The following KIN variants were observed in gnomAD, a reference collection of about 807,000 sequenced individuals.
KIN encodes DNA/RNA-binding protein KIN17.
In KIN, 47 loss-of-function variants were observed where a neutral mutation model predicts 63.0. The observed-to-expected ratio is 0.75, with a 90% CI of 0.59 to 0.95. KIN has a LOEUF of 0.95. Ranked by LOEUF, KIN falls within the 40% of genes least tolerant of loss-of-function variation. The probability of loss-of-function intolerance (pLI) is 0.00; values close to 1 mark genes in which losing one functional copy is unlikely to be tolerated. For missense variants in KIN, 408 were observed against 460.9 expected (o/e 0.89, Z 1.05); for synonymous variants, 160 against 157.7 (o/e 1.01, Z -0.11).
intron 7 of KIN, among the ~76,000 whole-genome samples, chr10:7,774,248 T>G (rs1473502245): frequency 6.6e-6 from 1 of 152,220 alleles, no homozygotes; most frequent in Non-Finnish European, 1.5e-5. Context: ...TGTTTCCTGG[T>G]GTATTTACAC....
intron 7 of KIN, 100 bp from the exon 8 acceptor site, chr10:7,769,445 TA>T: frequency 8.6e-7 from 1 of 1,167,458 alleles, no homozygotes; most frequent in Non-Finnish European, 1.2e-6. Flanking sequence ...TGTGACATAG[TA>T]ATTTACAGGA....
Position 7,755,972 on chromosome 10 carries a change from T to G in KIN, c.*108A>C. On this transcript the variant is annotated 3_prime_UTR_variant, in exon 13 of 13. Transcript: ENST00000379562. The stretch of plus-strand genomic sequence containing the variant: ...ACAGTAATATTTTCAAAAACCTGTT[T>G]GTTTTATACAAAAGAATATACCCTA... 1 of 590,382 alleles carries G rather than the reference T, an allele frequency of 1.7e-6. No individual in the cohort carries two copies. Among genetic ancestry groups the G allele is most frequent in the South Asian group, 3.3e-5 (1 of 30,572 alleles). 36.6% of individuals were successfully genotyped at this position (590,382 alleles called of 1,614,324 possible). A position where few individuals can be genotyped will look rare whatever the true frequency, so the allele number is the denominator to read the frequency against.
Position 7,753,619 on chromosome 10 carries a change from C to T in KIN, c.*2461G>A, listed in dbSNP as rs954886514. ...TCAACCCTGCTGAAAAACATTTTGA[C>T]AATTTATACATTAAAAACATTGCAA... On this transcript the variant is annotated 3_prime_UTR_variant, in exon 13 of 13. Coordinates refer to ENST00000379562, the MANE Select transcript of KIN (RefSeq NM_012311.4). 6.5e-6 allele frequency: 1 copy of T among 154,224 alleles called. No individual in the cohort carries two copies. The highest frequency in any genetic ancestry group is 2.4e-5 in the African/African-American group (1 of 41,462). 9.6% of individuals were successfully genotyped at this position (154,224 alleles called of 1,614,324 possible).
At chr10:7,777,934 A>G (rs181330634) in intron 5 of KIN, among the ~76,000 whole-genome samples, 2 of 151,668 alleles carry the variant, frequency 1.3e-5, no homozygotes, top group East Asian at 3.9e-4. Flanking sequence ...GCCACAGGAG[A>G]CAGTTTTCTG....
chr10:7,756,637 C>T (rs151195014), intron 12 of KIN, among the ~76,000 whole-genome samples: 1 of 152,322 alleles, frequency 6.6e-6, no homozygotes, highest in East Asian at 1.9e-4. Context: ...CACAAATCGC[C>T]ACTTAGAAAG....
chr10:7,783,040 G>T, intron 2 of KIN, 41 bp downstream of exon 2: 2 of 1,051,992 alleles, frequency 1.9e-6, no homozygotes, highest in South Asian at 1.5e-5. Context: ...ATGTTCAACT[G>T]AATAAAGCCT....
intron 1 of KIN, among the ~76,000 whole-genome samples, chr10:7,784,772 A>C (rs567096110): frequency 1.3e-5 from 2 of 152,332 alleles, no homozygotes; most frequent in East Asian, 3.9e-4. Context: ...TAAAAGGTTA[A>C]TGGGAAACTA....
At chr10:7,762,219 G>GAAAA (rs201671529) in intron 11 of KIN, among the ~76,000 whole-genome samples, 3 of 135,312 alleles carry the variant, frequency 2.2e-5, no homozygotes, top group African/African-American at 8.2e-5. Flanking sequence ...TTTGCTTCAG[G>GAAAA]AAAAAAAAAA....
In KIN at chr10:7,769,053, TA is replaced by T. The variant is rs1263468301; in HGVS notation, c.798+162del. 2.6e-5 allele frequency among the ~76,000 whole-genome samples: 4 copies of T among 152,038 alleles called. No homozygotes were observed. In the South Asian group the frequency reaches 6.2e-4, roughly 24 times the overall value. ...AAACAAATAAATAAATAAACCTATTTAGGGGGGCTCCAACTCCAGTTCGGGG... is the reference window on the plus strand; with the variant it reads ...AAACAAATAAATAAATAAACCTATTTGGGGGGCTCCAACTCCAGTTCGGGG... On this transcript the variant is annotated intron_variant, in intron 8 of 12. Coordinates refer to ENST00000379562, the MANE Select transcript of KIN (RefSeq NM_012311.4).
chr10:7,780,304 T>C lies in KIN; in HGVS notation c.213A>G (p.Glu71=). Residue 71 remains glutamate, a synonymous_variant, in exon 3 of 13, where the codon GAA becomes GAG. Transcript: ENST00000379562. The part of the protein sequence containing the change: ...PQQFMDYFSE[E]FRNDFLELLR... ...GAAGTTCTAGAAAGTCATTTCGGAATTCCCTAATAAAGAAAGAAAGGAAAG... is the reference window on the plus strand; with the variant it reads ...GAAGTTCTAGAAAGTCATTTCGGAACTCCCTAATAAAGAAAGAAAGGAAAG... 2 of 1,604,324 alleles carry C rather than the reference T, an allele frequency of 1.2e-6. No homozygotes were observed. Among genetic ancestry groups the C allele is most frequent in the Non-Finnish European group, 1.7e-6 (2 of 1,176,056 alleles).
intron 11 of KIN, among the ~76,000 whole-genome samples, chr10:7,762,042 A>G (rs373770361): frequency 6.6e-6 from 1 of 152,206 alleles, no homozygotes; most frequent in African/African-American, 2.4e-5. Context: ...AACATAAATC[A>G]ATTTTGTGTT....
At chr10:7,756,230 G>A (rs1835330827) in intron 12 of KIN, 88 bp from the exon 13 acceptor site, 1 of 665,916 alleles carries the variant, frequency 1.5e-6, no homozygotes, top group East Asian at 2.9e-5. Flanking sequence ...ATACAAATTT[G>A]CCTTTTCCGC....
chr10:7,756,238 C>T (rs552923766), intron 12 of KIN, 96 bp from the exon 13 acceptor site: 92 of 602,598 alleles, frequency 1.5e-4, no homozygotes, highest in African/African-American at 6.8e-4. Context: ...TTGCCTTTTC[C>T]GCATCCCTAA....
rs911150533 is a variant in KIN, at chr10:7,762,524, C to A, written c.951G>T (p.Lys317Asn). 3 of 1,610,592 alleles carry A rather than the reference C, an allele frequency of 1.9e-6. No individual in the cohort carries two copies. The highest frequency in any genetic ancestry group is 1.3e-5 in the African/African-American group (1 of 74,994). ...EVIDKYTAVV[K>N]MIDSGDKLKL... is the part of the protein sequence containing the mutation. ...TCAGCTTGTCTCCAGAATCAATCAT[C>A]TTCACAACAGCTGTATATTTGTCAA... The change falls in exon 11 of 13, where the codon AAG becomes AAT. Residue 317 changes from lysine (K) to asparagine (N), a missense_variant. Around this residue, in one of 2 missense-constraint regions of KIN, gnomAD observed 298 missense variants for 296.0 expected, o/e 1.01. Coordinates refer to ENST00000379562, the MANE Select transcript of KIN (RefSeq NM_012311.4).
At chr10:7,785,523 T>C (rs1835983498) in intron 1 of KIN, among the ~76,000 whole-genome samples, 2 of 152,086 alleles carry the variant, frequency 1.3e-5, no homozygotes, top group South Asian at 4.1e-4. Flanking sequence ...CTGGGCGCAG[T>C]GGTTCACACC....
chr10:7,776,479 C>T (rs1358489729), intron 5 of KIN, among the ~76,000 whole-genome samples: 4 of 150,672 alleles, frequency 2.7e-5, no homozygotes, highest in African/African-American at 9.8e-5. Flanking sequence ...GGGGTGAGTG[C>T]TGCAGTGAGC....
rs1297121175 is a variant in KIN at position 7,752,606 on chromosome 10, C to T, written c.*3474G>A. ...TTGAAAACGTCTATCCACAAAAAAC[C>T]TGCGCACAGATGTTTGTAGCAGCTT... On this transcript the variant is annotated 3_prime_UTR_variant, in exon 13 of 13. Coordinates refer to ENST00000379562, the MANE Select transcript of KIN (RefSeq NM_012311.4). 6.6e-6 allele frequency: 1 copy of T among 152,218 alleles called. No individual in the cohort carries two copies. The highest frequency in any genetic ancestry group is 1.5e-5 in the Non-Finnish European group (1 of 68,036). The allele number at this position is 152,218 out of a possible 1,614,324, so 9.4% of individuals were successfully genotyped here.
rs377174219 is a variant in KIN, at chr10:7,775,845, T to A, written c.559-46A>T. The A allele has an allele frequency of 3.3e-6, 4 of 1,196,024 alleles. No individual in the cohort carries two copies. In the African/African-American group the frequency reaches 6.2e-5, roughly 19 times the overall value. The allele number at this position is 1,196,024 out of a possible 1,614,324, so 74.1% of individuals were successfully genotyped here. On this transcript the variant is annotated intron_variant, in intron 5 of 12. Coordinates refer to ENST00000379562, the MANE Select transcript of KIN (RefSeq NM_012311.4). ...AGGTTTTGGTGTACATTGCACTTAC[T>A]ATCACCATTCAATAGGCCTAAATTA...
intron 7 of KIN, among the ~76,000 whole-genome samples, chr10:7,773,312 C>T (rs1433992696): frequency 2.0e-5 from 3 of 152,286 alleles, no homozygotes; most frequent in South Asian, 2.1e-4. Context: ...TCTGTTACAG[C>T]GACCATAGAA....
Sources: allele counts gnomAD v4.1 joint callset (sites outside exome capture counted in the v4.1 genomes callset), GRCh38; gene constraint gnomAD v4.1.1; regional missense constraint gnomAD v4.1.1; transcripts MANE v1.5; gene names NCBI Gene and HGNC (gene_info 2026-07-23, HGNC 2026-07-21).